Variants in HLCS observed in about 807,000 individuals in gnomAD.
HLCS encodes biotin--protein ligase.
A neutral mutation model predicts 75.0 loss-of-function variants in HLCS; 53 were observed. The observed-to-expected ratio is 0.71, with a 90% CI of 0.57 to 0.89. The LOEUF (loss-of-function observed/expected upper bound fraction) is 0.89, where lower values mean the gene tolerates loss of function less well. Ranked by LOEUF, HLCS falls within the 40% of genes least tolerant of loss-of-function variation. HLCS has a pLI of 0.00. For missense variants in HLCS, 966 were observed against 1,074.0 expected (o/e 0.90, Z 1.41); for synonymous variants, 431 against 428.6 (o/e 1.01, Z -0.07).
At chr21:36,797,598 T>G (rs2061065864) in intron 6 of HLCS, among the ~76,000 whole-genome samples, 1 of 152,140 alleles carries the variant, frequency 6.6e-6, no homozygotes, top group Non-Finnish European at 1.5e-5. Flanking sequence ...CATTTAAACA[T>G]ATCAGATTAA....
chr21:36,824,851 GAAGAGACGGCAGCC>G (rs2061957620), intron 6 of HLCS, among the ~76,000 whole-genome samples: 2 of 152,160 alleles, frequency 1.3e-5, no homozygotes, highest in South Asian at 4.1e-4. Context: ...TCCCATCACT[GAAGAGACGGCAGCC>G]AAATGGTCAT....
chr21:36,956,040 A>G (rs1194580046), intron 2 of HLCS, among the ~76,000 whole-genome samples: 4 of 152,198 alleles, frequency 2.6e-5, no homozygotes, highest in African/African-American at 9.7e-5. Flanking sequence ...AGTACACTCT[A>G]TGATGTTTGC....
At chr21:36,851,089 C>CA (rs1257922129) in intron 6 of HLCS, among the ~76,000 whole-genome samples, 2 of 152,172 alleles carry the variant, frequency 1.3e-5, no homozygotes, top group East Asian at 3.9e-4. Flanking sequence ...CATGGAAAAA[C>CA]AAAAAGGTTA....
Position 36,751,100 on chromosome 21 carries a change from A to G in HLCS, c.*3146T>C. 1 of 125,150 alleles carries G rather than the reference A, an allele frequency of 8.0e-6. No individual in the cohort carries two copies. Among genetic ancestry groups the G allele is most frequent in the Non-Finnish European group, 1.8e-5 (1 of 54,232 alleles). The allele number at this position is 125,150 out of a possible 1,614,324, so 7.8% of individuals were successfully genotyped here. On this transcript the variant is annotated 3_prime_UTR_variant, in exon 11 of 11. Coordinates refer to ENST00000674895, the MANE Select transcript of HLCS (RefSeq NM_001352514.2). ...ATGTAAAACACTTTATTTATTTTGT[A>G]AAAATGTTTAAATATGAATAAAAAT...
At chr21:36,770,875 C>T (rs1209916670) in intron 6 of HLCS, among the ~76,000 whole-genome samples, 2 of 152,106 alleles carry the variant, frequency 1.3e-5, no homozygotes, top group Non-Finnish European at 2.9e-5. Flanking sequence ...ATTGACTATT[C>T]ATAAATACAG....
At chr21:36,839,590 C>G (rs1380371811) in intron 6 of HLCS, among the ~76,000 whole-genome samples, 2 of 152,094 alleles carry the variant, frequency 1.3e-5, no homozygotes, top group Non-Finnish European at 2.9e-5. Flanking sequence ...CAGATATATG[C>G]CAGAAGGAAG....
intron 1 of HLCS, among the ~76,000 whole-genome samples, chr21:36,964,896 T>C (rs1571702): frequency 0.61 from 92,807 of 152,072 alleles, 28,618 homozygotes; most frequent in East Asian, 0.75. Flanking sequence ...AGCTCACCCC[T>C]CAATTTTTTG....
At chr21:36,861,956 T>C (rs1448433735) in intron 6 of HLCS, among the ~76,000 whole-genome samples, 2 of 152,012 alleles carry the variant, frequency 1.3e-5, no homozygotes, top group African/African-American at 4.8e-5. Flanking sequence ...CCTCAACCAA[T>C]CTCCTGGCAA....
At chr21:36,924,708 A>G (rs2066325762) in intron 5 of HLCS, among the ~76,000 whole-genome samples, 1 of 152,190 alleles carries the variant, frequency 6.6e-6, no homozygotes, top group Non-Finnish European at 1.5e-5. Flanking sequence ...CGACACAGGT[A>G]AAAAAGCTTG....
intron 2 of HLCS, among the ~76,000 whole-genome samples, chr21:36,949,027 C>T (rs1303323333): frequency 1.3e-5 from 2 of 152,102 alleles, no homozygotes; most frequent in Non-Finnish European, 2.9e-5. Flanking sequence ...GCCGATACAC[C>T]GCCGAGGCCT....
Position 36,780,092 on chromosome 21 carries a change from C to A in HLCS, c.1893-12807G>T, listed in dbSNP as rs75054924. ...CATTTTGTAGATGCTCTTTTGTCTC[C>A]CCCATCCACCTACCCCACACAATTA... On this transcript the variant is annotated intron_variant, in intron 6 of 10. Transcript: ENST00000674895. 3.9e-3 allele frequency among the ~76,000 whole-genome samples: 594 copies of A among 152,144 alleles called. 2 individuals carry two copies. Among genetic ancestry groups the A allele is most frequent in the African/African-American group, 0.014 (563 of 41,474 alleles).
intron 5 of HLCS, among the ~76,000 whole-genome samples, chr21:36,922,220 A>G (rs1430972977): frequency 2.6e-5 from 4 of 152,164 alleles, no homozygotes; most frequent in Admixed American, 2.0e-4. Flanking sequence ...CTTTAACTCC[A>G]ATATCTCCTT....
chr21:36,847,800 G>C (rs911743043), intron 6 of HLCS, among the ~76,000 whole-genome samples: 1 of 152,164 alleles, frequency 6.6e-6, no homozygotes, highest in African/African-American at 2.4e-5. Flanking sequence ...AAATTGCAGA[G>C]ATAAGGGGAA....
chr21:36,804,565 C>T (rs142673302), intron 6 of HLCS, among the ~76,000 whole-genome samples: 100 of 152,308 alleles, frequency 6.6e-4, no homozygotes, highest in Non-Finnish European at 1.2e-3. Flanking sequence ...CCCAGGCAAA[C>T]ACCTGGAGTG....
intron 4 of HLCS, among the ~76,000 whole-genome samples, chr21:36,932,952 C>CACTAAA (rs2066713247): frequency 6.6e-6 from 1 of 152,060 alleles, no homozygotes; most frequent in Non-Finnish European, 1.5e-5. Context: ...ACCCCACTGC[C>CACTAAA]ACTAAAAATA....
intron 5 of HLCS, among the ~76,000 whole-genome samples, chr21:36,916,803 A>C (rs1048553262): frequency 6.6e-6 from 1 of 152,110 alleles, no homozygotes; most frequent in South Asian, 2.1e-4. Context: ...ACCATCACAA[A>C]CTAGTAGGCT....
Position 36,857,958 on chromosome 21 carries a change from T to C in HLCS, c.1892+38902A>G, listed in dbSNP as rs199816240. On this transcript the variant is annotated intron_variant, in intron 6 of 10. Coordinates refer to ENST00000674895, the MANE Select transcript of HLCS (RefSeq NM_001352514.2). ...ACGTGAGGCACCACACCCGGCTAAT[T>C]TTTGTATTTTTAATAGAGACAAGGT... Among the ~76,000 whole-genome samples, 3 of 151,990 alleles carry C rather than the reference T, an allele frequency of 2.0e-5. No individual in the cohort carries two copies. In the East Asian group the frequency reaches 5.8e-4, roughly 29 times the overall value.
rs76034582 is a variant in HLCS, at chr21:36,953,850, G to A, written c.330+8186C>T. Among the ~76,000 whole-genome samples the A allele has an allele frequency of 5.5e-3, 839 of 152,014 alleles. 8 individuals carry two copies. Among genetic ancestry groups the A allele is most frequent in the Non-Finnish European group, 8.4e-3 (573 of 67,982 alleles). On this transcript the variant is annotated intron_variant, in intron 2 of 10. Coordinates refer to ENST00000674895, the MANE Select transcript of HLCS (RefSeq NM_001352514.2). ...ACAGTCATGTACCACATAATGTCTC[G>A]CCCAACGATGGACCATATATATGAT...
At chr21:36,872,943 CG>C (rs1194889822) in intron 6 of HLCS, among the ~76,000 whole-genome samples, 2 of 152,022 alleles carry the variant, frequency 1.3e-5, no homozygotes, top group African/African-American at 4.8e-5. Context: ...TTCCCACCAA[CG>C]ATGTTCAGAA....
Sources: gnomAD v4.1 joint callset for allele counts (sites outside exome capture counted in the v4.1 genomes callset) on GRCh38, gnomAD v4.1.1 for gene constraint, MANE v1.5 for transcripts, NCBI Gene and HGNC (gene_info 2026-07-23, HGNC 2026-07-21) for gene names.